Variants in KCNIP4 observed in about 807,000 individuals in gnomAD.
KCNIP4 encodes Kv channel-interacting protein 4.
In KCNIP4, 12 loss-of-function variants were observed where a neutral mutation model predicts 34.0. The ratio of observed to expected loss-of-function variants is 0.35; its 90% confidence interval spans 0.23 to 0.57. The LOEUF (loss-of-function observed/expected upper bound fraction) is 0.57, where lower values mean the gene tolerates loss of function less well. Among genes scored for constraint, KCNIP4 ranks in the 20% least tolerant of loss-of-function variants. KCNIP4 has a pLI of 0.83. For synonymous variants in KCNIP4, 124 were observed against 102.2 expected, an observed-to-expected ratio of 1.21 and a Z score of -1.29; for missense variants, 238 against 311.7, an observed-to-expected ratio of 0.76 and a Z score of 1.78.
intron 1 of KCNIP4, among the ~76,000 whole-genome samples, chr4:21,836,599 G>A (rs1322718587): frequency 6.6e-6 from 1 of 152,146 alleles, no homozygotes; most frequent in Non-Finnish European, 1.5e-5. Context: ...ATATGTTGAT[G>A]TTTTAACATG....
At chr4:20,952,914 C>T (rs1732925099) in intron 1 of KCNIP4, among the ~76,000 whole-genome samples, 2 of 152,184 alleles carry the variant, frequency 1.3e-5, no homozygotes, top group Admixed American at 6.5e-5. Flanking sequence ...TAGATGACAC[C>T]GTCTTGCTGT....
At chr4:20,804,935 A>G (rs948508012) in intron 3 of KCNIP4, among the ~76,000 whole-genome samples, 5 of 152,146 alleles carry the variant, frequency 3.3e-5, no homozygotes, top group Non-Finnish European at 7.3e-5. Context: ...ACACAATTCT[A>G]GAGCCTCATA....
intron 1 of KCNIP4, among the ~76,000 whole-genome samples, chr4:21,457,783 CT>C (rs1442229189): frequency 3.9e-5 from 6 of 152,028 alleles, no homozygotes; most frequent in African/African-American, 1.4e-4. Context: ...TATAGGACTG[CT>C]GGGAATGTAG....
At chr4:21,323,156 ATATATATG>A (rs756746113) in intron 1 of KCNIP4, among the ~76,000 whole-genome samples, 2,473 of 83,762 alleles carry the variant, frequency 0.03, 49 homozygotes, top group South Asian at 0.082. Context: ...ATATATATAT[ATATATATG>A]TATATATATA....
At chr4:21,211,964 C>T (rs1051235518) in intron 1 of KCNIP4, among the ~76,000 whole-genome samples, 7 of 152,068 alleles carry the variant, frequency 4.6e-5, no homozygotes, top group African/African-American at 7.2e-5. Context: ...AGGGAGGAGC[C>T]AACCCCCTTG....
intron 1 of KCNIP4, among the ~76,000 whole-genome samples, chr4:21,446,142 G>T (rs1230510782): frequency 6.6e-6 from 1 of 152,174 alleles, no homozygotes; most frequent in Non-Finnish European, 1.5e-5. Flanking sequence ...TGGAGAGGAT[G>T]TGGAGAAACA....
intron 1 of KCNIP4, among the ~76,000 whole-genome samples, chr4:21,357,963 T>C (rs190364324): frequency 6.6e-6 from 1 of 152,242 alleles, no homozygotes; most frequent in Non-Finnish European, 1.5e-5. Flanking sequence ...ATGTGGCACA[T>C]ATACACCATG....
chr4:21,000,616 T>C lies in KCNIP4; in HGVS notation c.62-117907A>G, dbSNP rs541277138. On this transcript the variant is annotated intron_variant, in intron 1 of 8. Transcript: ENST00000382152. ...AGGAGAATGACTTGAACCCGGGAGGTGGAGGTTGCAGTGAGCCAAGATCGC... is the reference window on the plus strand; with the variant it reads ...AGGAGAATGACTTGAACCCGGGAGGCGGAGGTTGCAGTGAGCCAAGATCGC... Among the ~76,000 whole-genome samples, 54 of 151,260 alleles carry C rather than the reference T, an allele frequency of 3.6e-4. No individual in the cohort carries two copies. The Middle Eastern group carries it at 0.01, about 29-fold the overall frequency.
chr4:21,797,106 T>C (rs1307278684), intron 1 of KCNIP4, among the ~76,000 whole-genome samples: 2 of 152,216 alleles, frequency 1.3e-5, no homozygotes, highest in African/African-American at 2.4e-5. Context: ...CCCACAATTA[T>C]AGATACCGTC....
chr4:21,200,806 T>A lies in KCNIP4; in HGVS notation c.62-318097A>T, dbSNP rs548718364. 1.6e-3 allele frequency among the ~76,000 whole-genome samples: 240 copies of A among 150,976 alleles called. 1 individual carries two copies. Among genetic ancestry groups the A allele is most frequent in the African/African-American group, 4.2e-3 (174 of 41,298 alleles). On this transcript the variant is annotated intron_variant, in intron 1 of 8. Coordinates refer to ENST00000382152, the MANE Select transcript of KCNIP4 (RefSeq NM_025221.6). ...GCTACTGAAATAAAAAAAATAAAAA[T>A]TTTTTTTTTTAAAAAAAGCATCGTT...
At chr4:21,495,564 A>C (rs1732781480) in intron 1 of KCNIP4, among the ~76,000 whole-genome samples, 1 of 152,000 alleles carries the variant, frequency 6.6e-6, no homozygotes, top group Non-Finnish European at 1.5e-5. Context: ...TGGTATGATG[A>C]CCACAGTGAT....
Position 21,800,336 on chromosome 4 carries a change from T to C in KCNIP4, c.61+148235A>G, listed in dbSNP as rs560599888. Among the ~76,000 whole-genome samples the C allele has an allele frequency of 2.0e-5, 3 of 152,296 alleles. No homozygotes were observed. The South Asian group carries it at 6.2e-4, about 32-fold the overall frequency. On this transcript the variant is annotated intron_variant, in intron 1 of 8. Transcript: ENST00000382152. ...AGAGACACTGAAGACTTGCTATAAT[T>C]CATTGTTTTACATTTGCTTTCTTAT... is the stretch of plus-strand genomic sequence containing the variant.
At chr4:21,108,973 G>A (rs866570094) in intron 1 of KCNIP4, among the ~76,000 whole-genome samples, 12 of 152,198 alleles carry the variant, frequency 7.9e-5, no homozygotes, top group South Asian at 4.1e-4. Flanking sequence ...TGTCTCAGAG[G>A]AGTACCCAGC....
chr4:20,860,680 T>C (rs1052776990), intron 2 of KCNIP4, among the ~76,000 whole-genome samples: 2 of 152,200 alleles, frequency 1.3e-5, no homozygotes, highest in African/African-American at 4.8e-5. Flanking sequence ...CATATGGCAA[T>C]AACATAATGA....
intron 1 of KCNIP4, among the ~76,000 whole-genome samples, chr4:21,442,971 C>G (rs1727619322): frequency 1.3e-5 from 2 of 152,156 alleles, no homozygotes. Flanking sequence ...CAGTTAATGG[C>G]AAATTCCTTC....
At chr4:21,631,935 G>A (rs1256812928) in intron 1 of KCNIP4, among the ~76,000 whole-genome samples, 2 of 152,174 alleles carry the variant, frequency 1.3e-5, no homozygotes, top group African/African-American at 4.8e-5. Flanking sequence ...CCACATTCAA[G>A]CCACTATTCC....
Position 21,471,293 on chromosome 4 carries a change from G to T in KCNIP4, c.61+477278C>A, listed in dbSNP as rs547953514. Among the ~76,000 whole-genome samples, 59 of 152,268 alleles carry T rather than the reference G, an allele frequency of 3.9e-4. No individual in the cohort carries two copies. In the Middle Eastern group the frequency reaches 0.01, roughly 26 times the overall value. On this transcript the variant is annotated intron_variant, in intron 1 of 8. Coordinates refer to ENST00000382152, the MANE Select transcript of KCNIP4 (RefSeq NM_025221.6). ...CTCTGGAGAAAGCGATAGTAATTCA[G>T]ATTCTCTTCCCTCATTTCAGCTGTG...
At chr4:21,366,196 C>T (rs1442750347) in intron 1 of KCNIP4, among the ~76,000 whole-genome samples, 1 of 152,130 alleles carries the variant, frequency 6.6e-6, no homozygotes, top group Non-Finnish European at 1.5e-5. Context: ...GGAGCTCAGT[C>T]AGCTATCTCA....
intron 1 of KCNIP4, among the ~76,000 whole-genome samples, chr4:21,318,663 G>GT (rs1197214853): frequency 1.3e-5 from 2 of 151,864 alleles, no homozygotes; most frequent in African/African-American, 2.4e-5. Context: ...AAAATCCTGG[G>GT]TTTTTTTGCA....
Sources: gnomAD v4.1 joint callset for allele counts (sites outside exome capture counted in the v4.1 genomes callset) on GRCh38, gnomAD v4.1.1 for gene constraint, MANE v1.5 for transcripts, NCBI Gene and HGNC (gene_info 2026-07-23, HGNC 2026-07-21) for gene names.